FAT3: variants seen among roughly 807,000 people sequenced by gnomAD.
FAT3 encodes FAT atypical cadherin 3.
A neutral mutation model predicts 310.2 loss-of-function variants in FAT3; 95 were observed. The ratio of observed to expected loss-of-function variants is 0.31; its 90% CI spans 0.26 to 0.36. The LOEUF is 0.36. Among genes scored for constraint, FAT3 ranks in the 10% least tolerant of loss-of-function variants. The pLI is 1.00. For synonymous variants in FAT3, 2,314 were observed against 2,192.9 expected (o/e 1.06, Z -1.54); for missense variants, 5,408 against 5,715.6 (o/e 0.95, Z 1.74).
chr11:92,782,349 A>C (rs891634407), intron 7 of FAT3, among the ~76,000 whole-genome samples: 1 of 152,000 alleles, frequency 6.6e-6, no homozygotes, highest in African/African-American at 2.4e-5. Flanking sequence ...TAATCCCAAC[A>C]CTTTGGGAGG....
chr11:92,794,849 C>T (rs2136168872), intron 9 of FAT3, among the ~76,000 whole-genome samples: 1 of 152,298 alleles, frequency 6.6e-6, no homozygotes, highest in Non-Finnish European at 1.5e-5. Flanking sequence ...GACAAACCCA[C>T]ACTGGTCCGC....
chr11:92,873,312 G>A (rs770674110), intron 22 of FAT3, among the ~76,000 whole-genome samples: 8 of 152,114 alleles, frequency 5.3e-5, no homozygotes, highest in South Asian at 2.1e-4. Flanking sequence ...CCACTTCCCC[G>A]AGCCATGTAA....
At chr11:92,725,030 A>G (rs187734713) in intron 4 of FAT3, among the ~76,000 whole-genome samples, 1 of 152,318 alleles carries the variant, frequency 6.6e-6, no homozygotes. Context: ...ACAATGAGAA[A>G]CACACAAGAC....
rs1174080787 is a variant in FAT3, at chr11:92,797,870, C to A, written c.4857C>A (p.Val1619=). The change falls in exon 10 of 28, where the codon GTC becomes GTA. Residue 1619 remains valine, a synonymous_variant. Transcript: ENST00000525166. The stretch of plus-strand genomic sequence containing the variant: ...GGAACATGTTTAAGATCGAACCGGT[C>A]CTAGGCATCATCACCATTTGCAAAG... ...NTGNMFKIEP[V]LGIITICKEP... is the part of the protein sequence containing the mutation. 1 of 1,613,740 alleles carries A rather than the reference C, an allele frequency of 6.2e-7. No homozygotes were observed. The highest frequency in any genetic ancestry group is 1.7e-5 in the Admixed American group (1 of 60,012).
intron 8 of FAT3, 49 bp downstream of exon 8, chr11:92,790,267 A>T: frequency 1.3e-6 from 2 of 1,590,462 alleles, no homozygotes. Context: ...CTGACTGTTC[A>T]GGCCACACAC....
chr11:92,255,000 C>G (rs569256929), intron 1 of FAT3, among the ~76,000 whole-genome samples: 1 of 152,242 alleles, frequency 6.6e-6, no homozygotes, highest in African/African-American at 2.4e-5. Context: ...GCCACCTCAC[C>G]CAGCCACTCA....
At position 92,806,444 on chromosome 11, in the gene FAT3, G is replaced by C. The variant is rs1208452699; in HGVS notation, c.9176G>C (p.Gly3059Ala). 3.8e-6 allele frequency: 6 copies of C among 1,581,400 alleles called. No homozygotes were observed. The highest frequency in any genetic ancestry group is 5.2e-6 in the Non-Finnish European group (6 of 1,161,922). Residue 3059 changes from glycine (G) to alanine (A), a missense_variant, in exon 12 of 28, where the codon GGA becomes GCA. Coordinates refer to ENST00000525166, the MANE Select transcript of FAT3 (RefSeq NM_001367949.2). ...LKVSAKDADI[G>A]SNGYIRYSLY... Reference sequence around the variant, plus strand: ...GTCAGTGCAAAGGATGCTGATATTGGATCCAATGGATATATACGATACTCA... The same window carrying C: ...GTCAGTGCAAAGGATGCTGATATTGCATCCAATGGATATATACGATACTCA...
At chr11:92,678,894 A>G (rs1046624852) in intron 3 of FAT3, among the ~76,000 whole-genome samples, 2 of 152,182 alleles carry the variant, frequency 1.3e-5, no homozygotes, top group African/African-American at 4.8e-5. Flanking sequence ...TTTAGGGTCT[A>G]TCCATCACCC....
chr11:92,362,536 T>G (rs528743118), intron 2 of FAT3, among the ~76,000 whole-genome samples: 11 of 152,324 alleles, frequency 7.2e-5, no homozygotes, highest in African/African-American at 2.6e-4. Context: ...TGACTCTTTC[T>G]ACACTGGTTA....
intron 3 of FAT3, among the ~76,000 whole-genome samples, chr11:92,550,610 C>T (rs1035729449): frequency 3.3e-5 from 5 of 152,072 alleles, no homozygotes; most frequent in African/African-American, 1.2e-4. Context: ...GACAGTCATT[C>T]ACAAACAATA....
At chr11:92,755,347 C>T (rs1015286944) in intron 4 of FAT3, among the ~76,000 whole-genome samples, 11 of 152,022 alleles carry the variant, frequency 7.2e-5, no homozygotes, top group African/African-American at 1.4e-4. Context: ...CTCAGCCTCC[C>T]GAGTATCTGG....
chr11:92,276,623 C>T (rs767793448), intron 1 of FAT3, among the ~76,000 whole-genome samples: 34 of 152,120 alleles, frequency 2.2e-4, no homozygotes, highest in Non-Finnish European at 4.1e-4. Flanking sequence ...GCTGCATCTT[C>T]GGTCTGGGTG....
At chr11:92,347,308 G>T (rs994682723) in intron 1 of FAT3, among the ~76,000 whole-genome samples, 6 of 152,160 alleles carry the variant, frequency 3.9e-5, no homozygotes, top group African/African-American at 1.4e-4. Flanking sequence ...CTCCTGTCAA[G>T]GGGACTCTAT....
At chr11:92,639,984 G>A (rs180908976) in intron 3 of FAT3, among the ~76,000 whole-genome samples, 3 of 152,146 alleles carry the variant, frequency 2.0e-5, no homozygotes, top group Admixed American at 6.5e-5. Flanking sequence ...CCTCCATATC[G>A]TTCCTCCTCA....
At chr11:92,412,754 T>TATAC (rs1565296585) in intron 2 of FAT3, among the ~76,000 whole-genome samples, 4 of 94,952 alleles carry the variant, frequency 4.2e-5, no homozygotes, top group African/African-American at 8.0e-5. Context: ...TAAATATACA[T>TATAC]ACATATATAT....
chr11:92,396,017 T>C (rs950984808), intron 2 of FAT3, among the ~76,000 whole-genome samples: 8 of 152,178 alleles, frequency 5.3e-5, no homozygotes, highest in African/African-American at 1.9e-4. Flanking sequence ...TGTTTTACCC[T>C]GTCTCCTCTC....
intron 2 of FAT3, among the ~76,000 whole-genome samples, chr11:92,367,552 G>A (rs1437997935): frequency 6.6e-6 from 1 of 152,162 alleles, no homozygotes; most frequent in Non-Finnish European, 1.5e-5. Flanking sequence ...GTTCACTTAA[G>A]CCTGGGAAAT....
At chr11:92,422,969 CTA>C (rs559180209) in intron 2 of FAT3, among the ~76,000 whole-genome samples, 92 of 152,298 alleles carry the variant, frequency 6.0e-4, no homozygotes, top group African/African-American at 2.0e-3. Flanking sequence ...TCCCCCTTCT[CTA>C]TGTCTGTCAC....
At chr11:92,767,265 A>AG (rs1371466024) in intron 6 of FAT3, among the ~76,000 whole-genome samples, 1 of 151,946 alleles carries the variant, frequency 6.6e-6, no homozygotes, top group African/African-American at 2.4e-5. Context: ...AAAAAAAAAA[A>AG]AAAGCCTAAA....
Sources: allele counts gnomAD v4.1 joint callset (sites outside exome capture counted in the v4.1 genomes callset), GRCh38; gene constraint gnomAD v4.1.1; transcripts MANE v1.5; gene names NCBI Gene and HGNC (gene_info 2026-07-23, HGNC 2026-07-21).